The following KIRREL1 variants were observed in gnomAD, a reference collection of about 807,000 sequenced individuals.
KIRREL1 encodes kirre like nephrin family adhesion molecule 1.
Under a neutral mutation model 83.3 loss-of-function variants are expected in KIRREL1, and 25 were observed. The observed-to-expected ratio is 0.30, with a 90% CI of 0.22 to 0.42. KIRREL1 has a LOEUF of 0.42. KIRREL1 is among the 10% of genes least tolerant of loss of function. KIRREL1 has a pLI of 1.00. For synonymous variants in KIRREL1, 388 were observed against 410.4 expected (o/e 0.95, Z 0.66); for missense variants, 812 against 1,032.3 (o/e 0.79, Z 2.92).
rs1395907614 is a variant in KIRREL1, at chr1:158,096,964, G to C, written c.*1844G>C. ...CATTACCACCCTTATGGATGGGTCT[G>C]GGGGGCGACATTCCTGGCCAACCCC... is the stretch of plus-strand genomic sequence containing the variant. On this transcript the variant is annotated 3_prime_UTR_variant, in exon 15 of 15. Coordinates refer to ENST00000359209, the MANE Select transcript of KIRREL1 (RefSeq NM_018240.7). 1 of 456,728 alleles carries C rather than the reference G, an allele frequency of 2.2e-6. No individual in the cohort carries two copies. Among genetic ancestry groups the C allele is most frequent in the Admixed American group, 2.3e-5 (1 of 42,590 alleles). The allele number at this position is 456,728 out of a possible 1,614,324, so 28.3% of individuals were successfully genotyped here.
chr1:158,031,826 G>A (rs781276350), intron 1 of KIRREL1, among the ~76,000 whole-genome samples: 1 of 152,214 alleles, frequency 6.6e-6, no homozygotes, highest in African/African-American at 2.4e-5. Flanking sequence ...GCTCATACCT[G>A]TAATCCCAGC....
chr1:158,094,752 C>A lies in KIRREL1; in HGVS notation c.1906C>A (p.Arg636Ser), dbSNP rs996927521. The A allele has an allele frequency of 6.2e-7, 1 of 1,613,870 alleles. No homozygotes were observed. The highest frequency in any genetic ancestry group is 1.1e-5 in the South Asian group (1 of 91,082). ...RAPGPARFDG[R>S]PSSRLSHSSG... The stretch of plus-strand genomic sequence containing the variant: ...CCCTGGCCCTGCCCGCTTCGACGGC[C>A]GCCCCTCATCCCGTCTCTCCCACTC... The change falls in exon 15 of 15, where the codon CGC becomes AGC. Residue 636 changes from arginine to serine, a missense_variant. This residue lies in a region of KIRREL1 where 334 missense variants were observed against 383.7 expected (regional missense o/e 0.87). Coordinates refer to ENST00000359209, the MANE Select transcript of KIRREL1 (RefSeq NM_018240.7). The surrounding 1 kb of genome is among the most constrained non-coding windows in gnomAD (Gnocchi z 4.6).
intron 11 of KIRREL1, among the ~76,000 whole-genome samples, chr1:158,092,024 A>G (rs1447876245): frequency 6.6e-6 from 1 of 152,242 alleles, no homozygotes; most frequent in East Asian, 1.9e-4. Flanking sequence ...GCAAAAGGGA[A>G]TAACACGCCC....
intron 1 of KIRREL1, among the ~76,000 whole-genome samples, chr1:158,062,832 C>G (rs1315909521): frequency 6.6e-6 from 1 of 152,268 alleles, no homozygotes; most frequent in African/African-American, 2.4e-5. Flanking sequence ...AGATGTGCCA[C>G]AGCTTCCACT....
At chr1:158,045,694 A>G (rs1660761117) in intron 1 of KIRREL1, among the ~76,000 whole-genome samples, 1 of 152,134 alleles carries the variant, frequency 6.6e-6, no homozygotes, top group East Asian at 1.9e-4. Context: ...TTTATTATCA[A>G]ATCATTTTGG....
chr1:158,070,748 G>C (rs1395586815), intron 1 of KIRREL1, among the ~76,000 whole-genome samples: 1 of 152,136 alleles, frequency 6.6e-6, no homozygotes, highest in Non-Finnish European at 1.5e-5. Context: ...ATGTCTGAGA[G>C]AGAGGCAGAG....
intron 11 of KIRREL1, 60 bp downstream of exon 11, chr1:158,091,616 C>A: frequency 6.5e-7 from 1 of 1,528,344 alleles, no homozygotes. Flanking sequence ...TCTGCTCCTT[C>A]TTTTCTCCAG....
At chr1:158,039,757 A>C (rs931090606) in intron 1 of KIRREL1, among the ~76,000 whole-genome samples, 1 of 152,072 alleles carries the variant, frequency 6.6e-6, no homozygotes, top group African/African-American at 2.4e-5. Flanking sequence ...TTGATTGTCT[A>C]TTTCTAGGTC....
chr1:158,079,753 A>G (rs1026092042), intron 3 of KIRREL1, among the ~76,000 whole-genome samples: 70 of 152,220 alleles, frequency 4.6e-4, no homozygotes, highest in Admixed American at 4.6e-3. Context: ...TGGCATCATG[A>G]TCCTAAAGAG....
chr1:158,025,688 T>G (rs1571546368), intron 1 of KIRREL1: 1 of 145,666 alleles, frequency 6.9e-6, no homozygotes. Flanking sequence ...GGCCAGAGGG[T>G]GAGAAGATGG....
At position 158,098,576 on chromosome 1, in the gene KIRREL1, G is replaced by C. The variant is rs1020502769; in HGVS notation, c.*3456G>C. ...TGGAATACATTCTGGATCTTGAGGA[G>C]GATCTTGTGATTTTGGCTGAGCCAC... On this transcript the variant is annotated 3_prime_UTR_variant, in exon 15 of 15. Transcript: ENST00000359209. 1 of 152,174 alleles carries C rather than the reference G, an allele frequency of 6.6e-6. No homozygotes were observed. Among genetic ancestry groups the C allele is most frequent in the Non-Finnish European group, 1.5e-5 (1 of 68,044 alleles). The allele number at this position is 152,174 out of a possible 1,614,324, so 9.4% of individuals were successfully genotyped here.
At chr1:158,044,867 T>C (rs931818600) in intron 1 of KIRREL1, among the ~76,000 whole-genome samples, 6 of 152,184 alleles carry the variant, frequency 3.9e-5, no homozygotes, top group Non-Finnish European at 7.3e-5. Context: ...GACAATAAGC[T>C]AATTAATAGG....
chr1:158,068,180 G>A (rs1661406831), intron 1 of KIRREL1, among the ~76,000 whole-genome samples: 1 of 152,230 alleles, frequency 6.6e-6, no homozygotes, highest in Admixed American at 6.5e-5. Flanking sequence ...GTGAAATGAA[G>A]CCAGAGAGCT....
intron 5 of KIRREL1, among the ~76,000 whole-genome samples, chr1:158,087,436 A>C (rs1662046580): frequency 6.6e-6 from 1 of 152,064 alleles, no homozygotes; most frequent in Non-Finnish European, 1.5e-5. Flanking sequence ...GGGTGTGGGC[A>C]GCAACTGGGG....
chr1:157,995,688 G>A (rs1659176090), intron 1 of KIRREL1, among the ~76,000 whole-genome samples: 1 of 152,214 alleles, frequency 6.6e-6, no homozygotes, highest in Admixed American at 6.5e-5. Context: ...AGAATTGTGT[G>A]TTGTGTGCCT....
At chr1:158,062,657 T>A (rs6677623) in intron 1 of KIRREL1, among the ~76,000 whole-genome samples, 3 of 152,176 alleles carry the variant, frequency 2.0e-5, no homozygotes, top group African/African-American at 4.8e-5. Flanking sequence ...GGTAACACAC[T>A]CACGCTTACC....
Position 158,084,438 on chromosome 1 carries a change from C to T in KIRREL1, c.369C>T (p.Thr123=), listed in dbSNP as rs889371040. 2 of 1,551,676 alleles carry T rather than the reference C, an allele frequency of 1.3e-6. No individual in the cohort carries two copies. Among genetic ancestry groups the T allele is most frequent in the African/African-American group, 2.7e-5 (2 of 73,048 alleles). The change falls in exon 4 of 15, where the codon ACC becomes ACT. Residue 123 remains threonine (T), a synonymous_variant. Transcript: ENST00000359209. ...CTCCCACAGTCCCCCCAGAGGACAC[C>T]AGGATTGACGGAGGCCCTGTGATTC... is the stretch of plus-strand genomic sequence containing the variant. The part of the protein sequence containing the change: ...KLTVLIPPED[T]RIDGGPVILL...
At chr1:158,091,581 C>A in intron 11 of KIRREL1, 25 bp downstream of exon 11, 1 of 1,610,680 alleles carries the variant, frequency 6.2e-7, no homozygotes, top group Non-Finnish European at 8.5e-7. Flanking sequence ...TGCCTGCCAG[C>A]TGGGGTGCAG....
At chr1:158,066,740 C>A (rs1661367562) in intron 1 of KIRREL1, among the ~76,000 whole-genome samples, 1 of 152,194 alleles carries the variant, frequency 6.6e-6, no homozygotes, top group Admixed American at 6.5e-5. Flanking sequence ...TTGCAGCCTT[C>A]TCTGGCCCTG....
Sources: allele counts gnomAD v4.1 joint callset (sites outside exome capture counted in the v4.1 genomes callset), GRCh38; gene constraint gnomAD v4.1.1; regional missense constraint gnomAD v4.1.1; non-coding constraint Gnocchi (gnomAD v3.1); transcripts MANE v1.5; gene names NCBI Gene and HGNC (gene_info 2026-07-23, HGNC 2026-07-21).